PLPPR4: variants seen among roughly 807,000 people sequenced by gnomAD.
PLPPR4 encodes the protein phospholipid phosphatase related 4.
A neutral mutation model predicts 56.6 loss-of-function variants in PLPPR4; 24 were observed. The ratio of observed to expected loss-of-function variants is 0.42; its 90% confidence interval spans 0.31 to 0.60. The LOEUF (loss-of-function observed/expected upper bound fraction) is 0.60, where lower values mean the gene tolerates loss of function less well. Among genes scored for constraint, PLPPR4 ranks in the 20% least tolerant of loss-of-function variants. PLPPR4 has a pLI of 0.13. For synonymous variants in PLPPR4, 326 were observed against 328.1 expected, an observed-to-expected ratio of 0.99 and a Z score of 0.07; for missense variants, 654 against 885.8, an observed-to-expected ratio of 0.74 and a Z score of 3.32.
chr1:99,307,307 T>A lies in PLPPR4; in HGVS notation c.*297T>A. 1 of 331,362 alleles carries A rather than the reference T, an allele frequency of 3.0e-6. No homozygotes were observed. The highest frequency in any genetic ancestry group is 7.0e-5 in the South Asian group (1 of 14,194). 20.5% of individuals were successfully genotyped at this position (331,362 alleles called of 1,614,324 possible). ...TCAAAAGAAAGTGGTTTTCTTCAAA[T>A]GTATACTATTTTACTTCCTGAATGT... On this transcript the variant is annotated 3_prime_UTR_variant, in exon 7 of 7. Transcript: ENST00000370185.
chr1:99,293,925 T>C lies in PLPPR4; in HGVS notation c.265-2813T>C, dbSNP rs139379812. On this transcript the variant is annotated intron_variant, in intron 2 of 6. Coordinates refer to ENST00000370185, the MANE Select transcript of PLPPR4 (RefSeq NM_014839.5). ...TTATAATATCTCCTCCCAAAACCTG[T>C]CCACAACAACAACAAATTGCGTCCT... Among the ~76,000 whole-genome samples, 377 of 152,270 alleles carry C rather than the reference T, an allele frequency of 2.5e-3. 2 individuals carry two copies. Among genetic ancestry groups the C allele is most frequent in the African/African-American group, 8.9e-3 (369 of 41,558 alleles).
In PLPPR4 at chr1:99,306,219, T is replaced by C. The variant is rs778218955; in HGVS notation, c.1357T>C (p.Tyr453His). ...NGDHHGPGNQ[Y>H]LKIQPGAVPG... ...AGACCACCATGGTCCTGGCAATCAG[T>C]ACCTCAAAATCCAGCCTGGCGCTGT... Residue 453 changes from tyrosine (Y) to histidine (H), a missense_variant, in exon 7 of 7, where the codon TAC (tyrosine) becomes CAC (histidine). Physicochemically the swap from Tyr to His is moderately conservative, Grantham distance 83. This residue lies in a region of PLPPR4 where 468 missense variants were observed against 554.3 expected (regional missense o/e 0.84). Coordinates refer to ENST00000370185, the MANE Select transcript of PLPPR4 (RefSeq NM_014839.5). The surrounding 1 kb of genome is among the most constrained non-coding windows in gnomAD (Gnocchi z 4.0). 11 of 1,613,976 alleles carry C rather than the reference T, an allele frequency of 6.8e-6. No individual in the cohort carries two copies. Among genetic ancestry groups the C allele is most frequent in the Non-Finnish European group, 8.5e-6 (10 of 1,180,020 alleles).
chr1:99,268,366 G>A (rs185687671), intron 1 of PLPPR4, among the ~76,000 whole-genome samples: 12 of 152,342 alleles, frequency 7.9e-5, no homozygotes, highest in Non-Finnish European at 1.3e-4. Flanking sequence ...ATAGATGCAA[G>A]GAAGGAGTAA....
Position 99,276,982 on chromosome 1 carries a change from G to T in PLPPR4, c.79-10983G>T, listed in dbSNP as rs114499301. ...AAGGATTCTCTAGCAAAGCTTTCTT[G>T]GGCTTTTTTCTGCTAAAGCTTTGGC... On this transcript the variant is annotated intron_variant, in intron 1 of 6. Coordinates refer to ENST00000370185, the MANE Select transcript of PLPPR4 (RefSeq NM_014839.5). Among the ~76,000 whole-genome samples the T allele has an allele frequency of 6.5e-3, 985 of 152,212 alleles. 6 individuals carry two copies. The highest frequency in any genetic ancestry group is 0.016 in the South Asian group (78 of 4,820).
At chr1:99,274,733 A>T (rs962498035) in intron 1 of PLPPR4, among the ~76,000 whole-genome samples, 1 of 152,084 alleles carries the variant, frequency 6.6e-6, no homozygotes, top group Non-Finnish European at 1.5e-5. Flanking sequence ...TTCTATACAC[A>T]GTGCCCAGGT....
chr1:99,279,491 C>A (rs1026682058), intron 1 of PLPPR4, among the ~76,000 whole-genome samples: 1 of 152,152 alleles, frequency 6.6e-6, no homozygotes, highest in African/African-American at 2.4e-5. Context: ...CAAGGAATAA[C>A]GTTCAGGACC....
chr1:99,291,996 T>G (rs1659634272), intron 2 of PLPPR4, among the ~76,000 whole-genome samples: 1 of 152,122 alleles, frequency 6.6e-6, no homozygotes, highest in Admixed American at 6.6e-5. Context: ...TGTATCATAC[T>G]GTCACACCAG....
chr1:99,294,909 A>G (rs1451525660), intron 2 of PLPPR4, among the ~76,000 whole-genome samples: 1 of 152,198 alleles, frequency 6.6e-6, no homozygotes, highest in Non-Finnish European at 1.5e-5. Context: ...AGGTGAAATT[A>G]ACCTCTTTTA....
intron 1 of PLPPR4, among the ~76,000 whole-genome samples, chr1:99,265,352 T>C (rs1658868775): frequency 6.6e-6 from 1 of 152,170 alleles, no homozygotes; most frequent in Non-Finnish European, 1.5e-5. Flanking sequence ...TGTATCTGAG[T>C]ATTTACTGTG....
At chr1:99,302,248 G>A (rs1298832882) in intron 6 of PLPPR4, among the ~76,000 whole-genome samples, 3 of 151,896 alleles carry the variant, frequency 2.0e-5, no homozygotes, top group Non-Finnish European at 4.4e-5. Context: ...TTAGTTAAAG[G>A]TTATATAACT....
chr1:99,286,569 G>A (rs1659467220), intron 1 of PLPPR4, among the ~76,000 whole-genome samples: 1 of 152,094 alleles, frequency 6.6e-6, no homozygotes, highest in Non-Finnish European at 1.5e-5. Context: ...AGTGAAGGAT[G>A]GATCAAGATC....
chr1:99,283,030 C>T (rs1411796910), intron 1 of PLPPR4, among the ~76,000 whole-genome samples: 1 of 149,478 alleles, frequency 6.7e-6, no homozygotes. Flanking sequence ...GTTTACCTGG[C>T]TTCCTCAACT....
intron 1 of PLPPR4, among the ~76,000 whole-genome samples, chr1:99,272,722 A>T (rs1388258581): frequency 2.0e-5 from 3 of 152,174 alleles, no homozygotes; most frequent in Non-Finnish European, 4.4e-5. Context: ...AACAGAGAGT[A>T]CAGGGAAGTA....
Position 99,264,646 on chromosome 1 carries a change from T to C in PLPPR4, c.53T>C (p.Leu18Pro). Residue 18 changes from leucine to proline, a missense_variant, in exon 1 of 7, where the codon CTC becomes CCC. Physicochemically the swap from Leu to Pro is moderately conservative, Grantham distance 98. Around this residue, in one of 2 missense-constraint regions of PLPPR4, gnomAD observed 186 missense variants for 331.4 expected, o/e 0.56. Coordinates refer to ENST00000370185, the MANE Select transcript of PLPPR4 (RefSeq NM_014839.5). Reference protein sequence around the residue: ...KGKVIKDSVTLLPCFYFVELP... With the variant: ...KGKVIKDSVTPLPCFYFVELP... Reference sequence around the variant, plus strand: ...AAAGTGATCAAGGACAGCGTCACCCTCCTGCCCTGCTTTTATTTCGTCGAG... The same window carrying C: ...AAAGTGATCAAGGACAGCGTCACCCCCCTGCCCTGCTTTTATTTCGTCGAG... 6.4e-7 allele frequency: 1 copy of C among 1,550,634 alleles called. No homozygotes were observed.
At chr1:99,283,396 G>GTT (rs1202135620) in intron 1 of PLPPR4, among the ~76,000 whole-genome samples, 1 of 152,126 alleles carries the variant, frequency 6.6e-6, no homozygotes, top group East Asian at 1.9e-4. Context: ...TATCATGATA[G>GTT]TTTTGATAAA....
intron 1 of PLPPR4, among the ~76,000 whole-genome samples, chr1:99,272,846 A>G (rs1011695266): frequency 1.3e-5 from 2 of 152,114 alleles, no homozygotes; most frequent in Non-Finnish European, 2.9e-5. Context: ...TGATCCTCTA[A>G]ATGCAACTGA....
chr1:99,287,841 T>C, intron 1 of PLPPR4, 124 bp from the exon 2 acceptor site: 6 of 705,676 alleles, frequency 8.5e-6, no homozygotes, highest in Non-Finnish European at 1.2e-5. Context: ...ATAGAACTTA[T>C]GAATGATTTT....
intron 2 of PLPPR4, among the ~76,000 whole-genome samples, chr1:99,295,638 T>C (rs1481370982): frequency 6.6e-6 from 1 of 152,232 alleles, no homozygotes; most frequent in Non-Finnish European, 1.5e-5. Flanking sequence ...ATCTCAAATA[T>C]TTGAAAGACT....
chr1:99,272,023 A>G (rs1659073973), intron 1 of PLPPR4, among the ~76,000 whole-genome samples: 1 of 151,950 alleles, frequency 6.6e-6, no homozygotes, highest in Admixed American at 6.6e-5. Context: ...TTAAATAAAG[A>G]TTATTTGAGA....
Sources: allele counts gnomAD v4.1 joint callset (sites outside exome capture counted in the v4.1 genomes callset), GRCh38; gene constraint gnomAD v4.1.1; regional missense constraint gnomAD v4.1.1; non-coding constraint Gnocchi (gnomAD v3.1); transcripts MANE v1.5; gene names NCBI Gene and HGNC (gene_info 2026-07-23, HGNC 2026-07-21).